The following FANCB variants were observed in gnomAD, a reference collection of about 807,000 sequenced individuals.
FANCB encodes the protein Fanconi anemia group B protein.
In FANCB, 5 loss-of-function variants were observed where a neutral mutation model predicts 38.9. The observed-to-expected ratio is 0.13, with a 90% CI of 0.07 to 0.27. The LOEUF is 0.27. FANCB is among the 10% of genes least tolerant of loss of function. The probability of loss-of-function intolerance (pLI) is 1.00; values close to 1 mark genes in which losing one functional copy is unlikely to be tolerated. For missense variants in FANCB, 573 were observed against 602.7 expected, an observed-to-expected ratio of 0.95 and a Z score of 0.52; for synonymous variants, 236 against 215.4, an observed-to-expected ratio of 1.10 and a Z score of -0.84.
At chrX:14,860,252 A>C (rs983181305) in intron 3 of FANCB, among the ~76,000 whole-genome samples, 2 of 112,050 alleles carry the variant, frequency 1.8e-5, no homozygotes, top group Non-Finnish European at 3.8e-5. Context: ...TAGAGCAAGA[A>C]TGAAAGTAAG....
intron 5 of FANCB, among the ~76,000 whole-genome samples, chrX:14,855,328 T>C (rs2092418874): frequency 8.9e-6 from 1 of 112,198 alleles, no homozygotes; most frequent in African/African-American, 3.2e-5. Context: ...GGTGCAAAGG[T>C]AGGCTTGTTC....
At chrX:14,849,042 T>C (rs1287628688) in intron 7 of FANCB, among the ~76,000 whole-genome samples, 2 of 111,281 alleles carry the variant, frequency 1.8e-5, no homozygotes, top group African/African-American at 6.6e-5. Context: ...TAATTCCAAA[T>C]TTACACAAAC....
chrX:14,708,156 C>A, the FANCB span, among the ~76,000 whole-genome samples: 1 of 111,608 alleles, frequency 9.0e-6, no homozygotes, highest in Non-Finnish European at 1.9e-5. Context: ...TATCCCTTGA[C>A]CAACATCTTC....
At chrX:14,728,869 A>G in the FANCB span, among the ~76,000 whole-genome samples, 4 of 112,131 alleles carry the variant, frequency 3.6e-5, no homozygotes, top group South Asian at 3.7e-4. Flanking sequence ...TAATCTACCT[A>G]TTCTGAAGTC....
Position 14,857,840 on chromosome X carries a change from AAAG to A in FANCB, c.1197+19_1197+21del, listed in dbSNP as rs755825913. The A allele has an allele frequency of 9.5e-4, 993 of 1,043,507 alleles. 1 individual carries two copies. The highest frequency in any genetic ancestry group is 1.5e-3 in the Middle Eastern group (6 of 3,962). The allele number at this position is 1,043,507 out of a possible 1,213,427, so 86.0% of individuals were successfully genotyped here. On this transcript the variant is annotated intron_variant, in intron 5 of 9. Transcript: ENST00000650831. ...TTAGAATAACACTAATCGAAAAGCAAAAGAAGCAAACAGACACTAACTTTCAGT... is the reference window on the plus strand; with the variant it reads ...TTAGAATAACACTAATCGAAAAGCAAAAGCAAACAGACACTAACTTTCAGT...
the FANCB span, among the ~76,000 whole-genome samples, chrX:14,801,105 G>A: frequency 6.3e-5 from 7 of 111,738 alleles, no homozygotes; most frequent in South Asian, 2.6e-3. Context: ...GTGGCTGCTG[G>A]AAGCATTCTC....
chrX:14,803,828 T>C, the FANCB span, among the ~76,000 whole-genome samples: 1 of 111,374 alleles, frequency 9.0e-6, no homozygotes, highest in Non-Finnish European at 1.9e-5. Flanking sequence ...GCAAAGGATA[T>C]GAACAGACAC....
the FANCB span, among the ~76,000 whole-genome samples, chrX:14,692,215 G>A: frequency 8.9e-6 from 1 of 112,094 alleles, no homozygotes; most frequent in African/African-American, 3.2e-5. Context: ...AGGAAAACAA[G>A]TAAACAAGCA....
chrX:14,796,491 TTA>T, the FANCB span, among the ~76,000 whole-genome samples: 4 of 97,639 alleles, frequency 4.1e-5, no homozygotes, highest in East Asian at 3.1e-4. Context: ...ATAACATATA[TTA>T]TATATATAAC....
At chrX:14,796,065 T>C in the FANCB span, among the ~76,000 whole-genome samples, 1 of 111,738 alleles carries the variant, frequency 8.9e-6, no homozygotes, top group Non-Finnish European at 1.9e-5. Context: ...GTCCTTAAGC[T>C]TGGCTACATG....
In FANCB at chrX:14,850,546, A is replaced by G. The variant is rs781087988; in HGVS notation, c.1455T>C (p.Asp485=). Residue 485 remains aspartate, a synonymous_variant, in exon 7 of 10, where the codon GAT becomes GAC. Coordinates refer to ENST00000650831, the MANE Select transcript of FANCB (RefSeq NM_001018113.3). ...TAGTTTTCACTCCAACAACCAAGCT[A>G]TCATCTATTACACGATACCATATCT... ...VEKIWYRVID[D]SLVVGVKTTS... is the part of the protein sequence containing the mutation. The G allele has an allele frequency of 4.2e-6, 5 of 1,202,967 alleles. No individual in the cohort carries two copies. The highest frequency in any genetic ancestry group is 5.6e-6 in the Non-Finnish European group (5 of 887,671).
chrX:14,717,779 A>G, the FANCB span, among the ~76,000 whole-genome samples: 2 of 109,047 alleles, frequency 1.8e-5, no homozygotes, highest in Non-Finnish European at 3.8e-5. Context: ...ATAAACAAGG[A>G]TTTATCAAGA....
chrX:14,813,135 T>C, the FANCB span, among the ~76,000 whole-genome samples: 1 of 108,707 alleles, frequency 9.2e-6, no homozygotes, highest in Non-Finnish European at 1.9e-5. Context: ...CTAAAAACTC[T>C]CAATAAATTG....
the FANCB span, among the ~76,000 whole-genome samples, chrX:14,801,223 C>A: frequency 1.8e-5 from 2 of 112,038 alleles, no homozygotes; most frequent in Non-Finnish European, 3.8e-5. Flanking sequence ...GTTAATCAGG[C>A]AAATTTTTTC....
the FANCB span, among the ~76,000 whole-genome samples, chrX:14,772,907 T>G: frequency 9.0e-6 from 1 of 111,349 alleles, no homozygotes; most frequent in African/African-American, 3.3e-5. Context: ...CTGCTTCCCT[T>G]GGCTAGGGGT....
intron 10 of FANCB, among the ~76,000 whole-genome samples, chrX:14,837,103 G>A: frequency 8.9e-6 from 1 of 112,511 alleles, no homozygotes; most frequent in Middle Eastern, 4.6e-3. Context: ...TTTGCAAGAG[G>A]TGAAATGTTT....
At chrX:14,743,576 C>T in the FANCB span, among the ~76,000 whole-genome samples, 5 of 92,027 alleles carry the variant, frequency 5.4e-5, no homozygotes, top group African/African-American at 2.0e-4. Context: ...GTATTTCTTT[C>T]TTTTTTTTTT....
At chrX:14,859,369 A>G in intron 3 of FANCB, 35 bp from the exon 4 acceptor site, 5 of 1,074,677 alleles carry the variant, frequency 4.7e-6, no homozygotes, top group Non-Finnish European at 5.2e-6. Context: ...AGGAGTAGAC[A>G]AGAAAAAATC....
At chrX:14,693,014 C>T in the FANCB span, among the ~76,000 whole-genome samples, 1 of 106,130 alleles carries the variant, frequency 9.4e-6, no homozygotes, top group Non-Finnish European at 1.9e-5. Flanking sequence ...GCACATTGTG[C>T]ACATGTACCC....
Sources: gnomAD v4.1 joint callset for allele counts (sites outside exome capture counted in the v4.1 genomes callset) on GRCh38, gnomAD v4.1.1 for gene constraint, MANE v1.5 for transcripts, NCBI Gene and HGNC (gene_info 2026-07-23, HGNC 2026-07-21) for gene names.